SIDT1: variants seen among roughly 807,000 people sequenced by gnomAD.
SIDT1 encodes SID1 transmembrane family, member 1.
A neutral mutation model predicts 107.5 loss-of-function variants in SIDT1; 101 were observed. That is an observed-to-expected ratio of 0.94 (90% CI 0.80 to 1.11). The LOEUF (loss-of-function observed/expected upper bound fraction) is 1.11. Among genes scored for constraint, SIDT1 ranks in the 50% least tolerant of loss-of-function variants. SIDT1 has a pLI of 0.00. For missense variants in SIDT1, 1,076 were observed against 1,058.2 expected, an observed-to-expected ratio of 1.02 and a Z score of -0.23; for synonymous variants, 395 against 398.2, an observed-to-expected ratio of 0.99 and a Z score of 0.10.
rs898333471 is a variant in SIDT1 at position 113,533,119 on chromosome 3, C to A, written c.98C>A (p.Pro33Gln). The A allele has an allele frequency of 3.2e-6, 5 of 1,554,428 alleles. No homozygotes were observed. The highest frequency in any genetic ancestry group is 1.9e-5 in the Admixed American group (1 of 51,840). Residue 33 changes from proline to glutamine, a missense_variant, in exon 1 of 25, where the codon CCG (proline) becomes CAG (glutamine). Transcript: ENST00000264852. ...CCGGCGAAATCCCCCAGGCAGCCCCCGGCACCGCGCCGCGACCCCTTCGAC... is the reference window on the plus strand; with the variant it reads ...CCGGCGAAATCCCCCAGGCAGCCCCAGGCACCGCGCCGCGACCCCTTCGAC... Reference protein sequence around the residue: ...GHPAKSPRQPPAPRRDPFDAA... With the variant: ...GHPAKSPRQPQAPRRDPFDAA...
chr3:113,601,688 G>A (rs1944971107), intron 11 of SIDT1, 29 bp downstream of exon 11: 3 of 1,536,998 alleles, frequency 2.0e-6, no homozygotes, highest in Non-Finnish European at 2.7e-6. Context: ...GTTCATGAAA[G>A]TGTTTCCTAA....
intron 1 of SIDT1, among the ~76,000 whole-genome samples, chr3:113,556,049 G>T (rs1216137556): frequency 6.6e-6 from 1 of 152,126 alleles, no homozygotes; most frequent in Non-Finnish European, 1.5e-5. Context: ...GCTGCCCAGG[G>T]AGATAGGTAG....
intron 3 of SIDT1, among the ~76,000 whole-genome samples, chr3:113,574,689 C>T (rs774023102): frequency 6.6e-6 from 1 of 152,064 alleles, no homozygotes; most frequent in Non-Finnish European, 1.5e-5. Flanking sequence ...CCTATCTGCA[C>T]CCCCATCTCT....
chr3:113,622,772 G>A (rs947796286), intron 21 of SIDT1, among the ~76,000 whole-genome samples: 9 of 152,128 alleles, frequency 5.9e-5, no homozygotes, highest in Admixed American at 2.6e-4. Context: ...GTGAAAAACC[G>A]AAGAATGTGG....
chr3:113,591,641 G>A (rs1472717851), intron 9 of SIDT1, among the ~76,000 whole-genome samples: 1 of 152,230 alleles, frequency 6.6e-6, no homozygotes, highest in Non-Finnish European at 1.5e-5. Context: ...CTTGCAGTGA[G>A]CCAAGATCGC....
intron 9 of SIDT1, among the ~76,000 whole-genome samples, chr3:113,587,268 G>A (rs1427173239): frequency 6.6e-6 from 1 of 151,952 alleles, no homozygotes; most frequent in Non-Finnish European, 1.5e-5. Context: ...AAGCAAATGA[G>A]GTAATAAGCT....
At chr3:113,543,495 G>A (rs1319331813) in intron 1 of SIDT1, among the ~76,000 whole-genome samples, 2 of 152,130 alleles carry the variant, frequency 1.3e-5, no homozygotes, top group African/African-American at 4.8e-5. Context: ...CTACTATGGA[G>A]GTGCTGAAGC....
chr3:113,554,071 A>G (rs1280755507), intron 1 of SIDT1, among the ~76,000 whole-genome samples: 4 of 152,134 alleles, frequency 2.6e-5, no homozygotes, highest in Non-Finnish European at 5.9e-5. Flanking sequence ...AAAGCAAACC[A>G]ATGCAAAAAC....
intron 19 of SIDT1, among the ~76,000 whole-genome samples, chr3:113,612,671 G>A (rs1327718254): frequency 2.6e-5 from 4 of 152,176 alleles, no homozygotes; most frequent in African/African-American, 9.7e-5. Flanking sequence ...CTTAGAGGCA[G>A]GACACCTGCT....
chr3:113,566,691 G>C (rs1166350388), intron 2 of SIDT1, 150 bp downstream of exon 2: 5 of 852,008 alleles, frequency 5.9e-6, no homozygotes, highest in Non-Finnish European at 9.1e-6. Flanking sequence ...TGATCATGGT[G>C]CATGCCCTGA....
chr3:113,587,978 A>G (rs914624491), intron 9 of SIDT1, among the ~76,000 whole-genome samples: 1 of 152,216 alleles, frequency 6.6e-6, no homozygotes. Context: ...TTCCAATATC[A>G]TGGAAAGAAG....
intron 3 of SIDT1, among the ~76,000 whole-genome samples, chr3:113,568,666 C>T (rs1173505068): frequency 6.6e-6 from 1 of 151,674 alleles, no homozygotes; most frequent in Non-Finnish European, 1.5e-5. Flanking sequence ...TAATGTGATT[C>T]CATTACAACT....
At chr3:113,571,743 GGCC>G (rs1460144356) in intron 3 of SIDT1, among the ~76,000 whole-genome samples, 2 of 152,152 alleles carry the variant, frequency 1.3e-5, no homozygotes, top group African/African-American at 4.8e-5. Context: ...AGACAAACCT[GGCC>G]AATATGGTGA....
chr3:113,603,490 T>C (rs1479257097), intron 12 of SIDT1, among the ~76,000 whole-genome samples: 1 of 152,202 alleles, frequency 6.6e-6, no homozygotes, highest in African/African-American at 2.4e-5. Context: ...CCCGGTTCTG[T>C]GCATATCATC....
chr3:113,586,567 G>A (rs1943760252), intron 9 of SIDT1, among the ~76,000 whole-genome samples: 1 of 152,188 alleles, frequency 6.6e-6, no homozygotes, highest in African/African-American at 2.4e-5. Flanking sequence ...CTAGGGTGCA[G>A]AAATCTGATG....
chr3:113,630,957 G>T (rs1436491885), downstream of SIDT1, among the ~76,000 whole-genome samples: 1 of 152,098 alleles, frequency 6.6e-6, no homozygotes, highest in African/African-American at 2.4e-5. Flanking sequence ...GAACAGGTTG[G>T]GAGGCCTCTT....
intron 14 of SIDT1, 183 bp from the exon 15 acceptor site, chr3:113,606,858 G>T: frequency 2.0e-6 from 1 of 490,092 alleles, no homozygotes; most frequent in Non-Finnish European, 3.7e-6. Flanking sequence ...TAACTTTTTT[G>T]TAAAAAAAGT....
chr3:113,620,765 C>A (rs1177038420), intron 21 of SIDT1, among the ~76,000 whole-genome samples: 1 of 152,218 alleles, frequency 6.6e-6, no homozygotes, highest in African/African-American at 2.4e-5. Context: ...TTCTAGCAGA[C>A]TCCACAGTCC....
Position 113,536,442 on chromosome 3 carries a change from GA to G in SIDT1, c.222+3206del, listed in dbSNP as rs368972200. 9.0e-3 allele frequency among the ~76,000 whole-genome samples: 1,372 copies of G among 152,150 alleles called. 15 individuals are homozygous for G. The highest frequency in any genetic ancestry group is 0.023 in the African/African-American group (943 of 41,538). ...AGTGCAACAAAGAATTTGGTTTAGG[GA>G]AAAAAATGGCTAGTTTTTGAGCTTT... On this transcript the variant is annotated intron_variant, in intron 1 of 24. Coordinates refer to ENST00000264852, the MANE Select transcript of SIDT1 (RefSeq NM_017699.3).
Sources: gnomAD v4.1 joint callset for allele counts (sites outside exome capture counted in the v4.1 genomes callset) on GRCh38, gnomAD v4.1.1 for gene constraint, MANE v1.5 for transcripts, NCBI Gene and HGNC (gene_info 2026-07-23, HGNC 2026-07-21) for gene names.